The following SZT2 variants were observed in gnomAD, a reference collection of about 807,000 sequenced individuals.
The protein encoded by SZT2 is SZT2 subunit of KICSTOR complex.
Under a neutral mutation model 404.2 loss-of-function variants are expected in SZT2, and 216 were observed. That is an observed-to-expected ratio of 0.53 (90% CI 0.48 to 0.60). The LOEUF (loss-of-function observed/expected upper bound fraction) is 0.60. Among genes scored for constraint, SZT2 ranks in the 20% least tolerant of loss-of-function variants. The pLI is 0.00. For missense variants in SZT2, 3,857 were observed against 4,459.2 expected, an observed-to-expected ratio of 0.86 and a Z score of 3.85; for synonymous variants, 1,693 against 1,749.9, an observed-to-expected ratio of 0.97 and a Z score of 0.81.
chr1:43,444,997 C>T (rs1338389633), intron 62 of SZT2, among the ~76,000 whole-genome samples: 2 of 152,144 alleles, frequency 1.3e-5, no homozygotes, highest in African/African-American at 2.4e-5. Flanking sequence ...GAAGAGAAGG[C>T]GTGCCTGCCC....
In SZT2 at chr1:43,422,675, C is replaced by G. The variant is rs757921756; in HGVS notation, c.1922+43C>G. ...CCTTCACCCCCCGCCCCCCCACCCC[C>G]CCGCCACCTCATCCCATGTCTCCCT... On this transcript the variant is annotated intron_variant, in intron 13 of 71. Transcript: ENST00000634258. 25 of 1,082,502 alleles carry G rather than the reference C, an allele frequency of 2.3e-5. No individual in the cohort carries two copies. In the South Asian group the frequency reaches 3.5e-4, roughly 15 times the overall value. The allele number at this position is 1,082,502 out of a possible 1,614,324, so 67.1% of individuals were successfully genotyped here.
At position 43,432,732 on chromosome 1, in the gene SZT2, TCAGCCTGGGCC is replaced by T; in HGVS notation, c.5541_5551del (p.Pro1849IlefsTer18). On this transcript the variant is annotated frameshift_variant, in exon 39 of 72. Transcript: ENST00000634258. LOFTEE classifies it high-confidence loss of function. Reference sequence around the variant, plus strand: ...GCATTTTCCTTCTCTATCCAGGGAGTCAGCCTGGGCCCAGCCGGGGATTAAGTCTCATGTCC... The same window carrying T: ...GCATTTTCCTTCTCTATCCAGGGAGTCAGCCGGGGATTAAGTCTCATGTCC... The T allele has an allele frequency of 6.2e-7, 1 of 1,613,606 alleles. No individual in the cohort carries two copies. Among genetic ancestry groups the T allele is most frequent in the Non-Finnish European group, 8.5e-7 (1 of 1,179,918 alleles).
chr1:43,451,764 CCTT>C lies in SZT2; in HGVS notation c.*1286_*1288del, dbSNP rs757231161. On this transcript the variant is annotated 3_prime_UTR_variant, in exon 72 of 72. Transcript: ENST00000634258. ...TCCGAGACCCCGCAGGCCCCGCCCTCCTTCCGATCTGCGAAGTACCCCCTTCCA... is the reference window on the plus strand; with the variant it reads ...TCCGAGACCCCGCAGGCCCCGCCCTCCCGATCTGCGAAGTACCCCCTTCCA... The C allele has an allele frequency of 1.2e-6, 2 of 1,613,944 alleles. No individual in the cohort carries two copies. The highest frequency in any genetic ancestry group is 2.2e-5 in the East Asian group (1 of 44,876).
At chr1:43,402,218 G>A (rs1038534372) in intron 1 of SZT2, among the ~76,000 whole-genome samples, 2 of 152,212 alleles carry the variant, frequency 1.3e-5, no homozygotes, top group Admixed American at 6.5e-5. Context: ...TGCCATTTGT[G>A]TAGGACAGAC....
chr1:43,451,742 G>C lies in SZT2; in HGVS notation c.*1262G>C, dbSNP rs375556306. ...CCTAGGGAAGAGGATACTACATTCC[G>C]AGACCCCGCAGGCCCCGCCCTCCTT... On this transcript the variant is annotated 3_prime_UTR_variant, in exon 72 of 72. Transcript: ENST00000634258. The C allele has an allele frequency of 8.7e-6, 14 of 1,613,522 alleles. No homozygotes were observed. The highest frequency in any genetic ancestry group is 1.0e-5 in the Non-Finnish European group (12 of 1,179,656).
In SZT2 at chr1:43,422,469, C is replaced by T. The variant is rs756655876; in HGVS notation, c.1770-11C>T. ...TGGAGGTCTAACCTCAGTCCACACCCCTCTTCCTAGACCAATCCCCAAGCA... is the reference window on the plus strand; with the variant it reads ...TGGAGGTCTAACCTCAGTCCACACCTCTCTTCCTAGACCAATCCCCAAGCA... On this transcript the variant is annotated splice_polypyrimidine_tract_variant and intron_variant, in intron 12 of 71. Transcript: ENST00000634258. The T allele has an allele frequency of 6.0e-5, 95 of 1,571,476 alleles. 1 individual carries two copies. The South Asian group carries it at 1.0e-3, about 17-fold the overall frequency.
rs928429262 is a variant in SZT2 at position 43,453,808 on chromosome 1, G to T, written c.*3328G>T. On this transcript the variant is annotated 3_prime_UTR_variant, in exon 72 of 72. Transcript: ENST00000634258. ...AGCGGCGCCATGCCTGGGGAGGCCG[G>T]GCCGGGCGGAGTCCGCGGGATCCAA... The T allele has an allele frequency of 8.0e-7, 1 of 1,253,014 alleles. No individual in the cohort carries two copies. 77.6% of individuals were successfully genotyped at this position (1,253,014 alleles called of 1,614,324 possible). A position where few individuals can be genotyped will look rare whatever the true frequency, so the allele number is the denominator to read the frequency against.
At chr1:43,428,629 A>C in intron 28 of SZT2, 143 bp downstream of exon 28, 1 of 1,164,928 alleles carries the variant, frequency 8.6e-7, no homozygotes, top group African/African-American at 1.5e-5. Flanking sequence ...CGGCTCACGG[A>C]CTCCCATGCA....
At chr1:43,440,120 C>A in intron 51 of SZT2, 72 bp downstream of exon 51, 1 of 1,583,662 alleles carries the variant, frequency 6.3e-7, no homozygotes, top group Non-Finnish European at 8.6e-7. Context: ...GGCAGGTGAG[C>A]GTGCAAAGGT....
chr1:43,422,911 C>A, intron 14 of SZT2, 28 bp downstream of exon 14: 2 of 1,552,938 alleles, frequency 1.3e-6, no homozygotes, highest in Non-Finnish European at 8.7e-7. Flanking sequence ...TGACTCTGAC[C>A]AAGGAGCCCT....
chr1:43,399,660 G>A (rs1427799697), intron 1 of SZT2, among the ~76,000 whole-genome samples: 8 of 151,878 alleles, frequency 5.3e-5, no homozygotes, highest in African/African-American at 1.7e-4. Context: ...ACGGGGTTTC[G>A]CTGTGTTAGC....
chr1:43,422,633 G>A lies in SZT2; in HGVS notation c.1922+1G>A. 1 of 1,583,320 alleles carries A rather than the reference G, an allele frequency of 6.3e-7. No homozygotes were observed. The highest frequency in any genetic ancestry group is 8.5e-7 in the Non-Finnish European group (1 of 1,172,974). ...ATTCTTATGTTAAGCTGCTCTCCAG[G>A]TGGGCAAAGTGATGTCCCTTCACCC... is the stretch of plus-strand genomic sequence containing the variant. On this transcript the variant is annotated splice_donor_variant, in intron 13 of 71. Coordinates refer to ENST00000634258, the MANE Select transcript of SZT2 (RefSeq NM_001365999.1). LOFTEE classifies it high-confidence loss of function.
chr1:43,418,514 A>G (rs1651957617), intron 7 of SZT2, among the ~76,000 whole-genome samples: 1 of 152,214 alleles, frequency 6.6e-6, no homozygotes, highest in Non-Finnish European at 1.5e-5. Context: ...ACTGTAAGGA[A>G]GAGGCCAGAG....
intron 40 of SZT2, 70 bp from the exon 41 acceptor site, chr1:43,434,316 T>C (rs989212972): frequency 8.9e-6 from 12 of 1,340,836 alleles, no homozygotes; most frequent in Non-Finnish European, 1.2e-5. Context: ...AGTTATGTCA[T>C]ATACATATCA....
At position 43,423,337 on chromosome 1, in the gene SZT2, G is replaced by A. The variant is rs1384709716; in HGVS notation, c.2255+21G>A. 3 of 1,518,528 alleles carry A rather than the reference G, an allele frequency of 2.0e-6. No homozygotes were observed. In the East Asian group the frequency reaches 6.8e-5, roughly 34 times the overall value. 94.1% of individuals were successfully genotyped at this position (1,518,528 alleles called of 1,614,324 possible). ...ATCAGGTTGGTACAGAGGTGTGGAA[G>A]GGCGTGGCTTAGCAGGGTATGAGTG... On this transcript the variant is annotated intron_variant, in intron 15 of 71. Transcript: ENST00000634258.
At chr1:43,412,686 TAAAC>T (rs1651215256) in intron 4 of SZT2, 1 of 151,738 alleles carries the variant, frequency 6.6e-6, no homozygotes, top group Non-Finnish European at 1.5e-5. Context: ...AAGGAAACAA[TAAAC>T]AAAGTGAGGA....
Position 43,426,872 on chromosome 1 carries a change from C to T in SZT2, c.3309+63C>T. The T allele has an allele frequency of 6.4e-7, 1 of 1,573,358 alleles. No homozygotes were observed. The highest frequency in any genetic ancestry group is 8.7e-7 in the Non-Finnish European group (1 of 1,147,802). ...TGACCTCCTTCCAGCACCACATCTT[C>T]AGGCCCCAACCTTCTACCGCCCTTG... On this transcript the variant is annotated intron_variant, in intron 23 of 71. Coordinates refer to ENST00000634258, the MANE Select transcript of SZT2 (RefSeq NM_001365999.1). This position sits in a 1 kb window ranked among gnomAD's most constrained non-coding sequence, Gnocchi z 4.9.
At chr1:43,415,657 T>C (rs1651619948) in intron 5 of SZT2, among the ~76,000 whole-genome samples, 2 of 152,190 alleles carry the variant, frequency 1.3e-5, no homozygotes, top group African/African-American at 4.8e-5. Context: ...GTATAAAATA[T>C]TTCATAACAG....
intron 3 of SZT2, chr1:43,404,064 G>A (rs1456317432): frequency 1.6e-5 from 8 of 515,696 alleles, no homozygotes; most frequent in Middle Eastern, 5.2e-4. Context: ...ACAAAAATTA[G>A]CCAGGCATGC....
Sources: gnomAD v4.1 joint callset for allele counts (sites outside exome capture counted in the v4.1 genomes callset) on GRCh38, gnomAD v4.1.1 for gene constraint, Gnocchi (gnomAD v3.1) non-coding constraint, MANE v1.5 for transcripts, NCBI Gene and HGNC (gene_info 2026-07-23, HGNC 2026-07-21) for gene names.